INTS4: variants seen among roughly 807,000 people sequenced by gnomAD.
INTS4 encodes the protein MSTP093.
A neutral mutation model predicts 119.5 loss-of-function variants in INTS4; 70 were observed. The observed-to-expected ratio is 0.59, with a 90% CI of 0.48 to 0.71. The LOEUF is 0.71. INTS4 is among the 30% of genes least tolerant of loss of function. The probability of loss-of-function intolerance (pLI) is 0.00; values close to 1 mark genes in which losing one functional copy is unlikely to be tolerated. For synonymous variants in INTS4, 316 were observed against 419.6 expected (o/e 0.75, Z 3.02); for missense variants, 867 against 1,173.2 (o/e 0.74, Z 3.81).
intron 15 of INTS4, among the ~76,000 whole-genome samples, chr11:77,910,351 C>A (rs1307726714): frequency 2.0e-5 from 3 of 150,740 alleles, no homozygotes; most frequent in Non-Finnish European, 4.4e-5. Context: ...GGACAAAAAA[C>A]CAAACACTGC....
intron 11 of INTS4, 109 bp downstream of exon 11, chr11:77,928,233 A>G: frequency 4.4e-6 from 5 of 1,139,888 alleles, no homozygotes; most frequent in Non-Finnish European, 5.1e-6. Context: ...GAGAAAACAG[A>G]ACTGTGCTCC....
At chr11:77,975,406 A>G (rs1247783797) in intron 4 of INTS4, among the ~76,000 whole-genome samples, 1 of 152,118 alleles carries the variant, frequency 6.6e-6, no homozygotes, top group Non-Finnish European at 1.5e-5. Flanking sequence ...TAACTAATTT[A>G]TAATTTCATC....
intron 18 of INTS4, among the ~76,000 whole-genome samples, chr11:77,896,292 C>T (rs1370189423): frequency 6.6e-6 from 1 of 152,168 alleles, no homozygotes; most frequent in East Asian, 1.9e-4. Flanking sequence ...AAATCAAACT[C>T]AACGGTTCAG....
At position 77,884,058 on chromosome 11, in the gene INTS4, C is replaced by T. The variant is rs1456532154; in HGVS notation, c.2593-106G>A. 4.3e-6 allele frequency: 5 copies of T among 1,150,672 alleles called. No homozygotes were observed. In the African/African-American group the frequency reaches 4.6e-5, roughly 11 times the overall value. 71.3% of individuals were successfully genotyped at this position (1,150,672 alleles called of 1,614,324 possible). A position where few individuals can be genotyped will look rare whatever the true frequency, so the allele number is the denominator to read the frequency against. Reference sequence around the variant, plus strand: ...TCAAAACACAAGAAGAAACATGACACCAACTTTACTAAGATTGAGCCTTGG... The same window carrying T: ...TCAAAACACAAGAAGAAACATGACATCAACTTTACTAAGATTGAGCCTTGG... On this transcript the variant is annotated intron_variant, in intron 21 of 22. Coordinates refer to ENST00000534064, the MANE Select transcript of INTS4 (RefSeq NM_033547.4).
At chr11:77,934,282 A>G (rs1953736500) in intron 10 of INTS4, among the ~76,000 whole-genome samples, 1 of 152,032 alleles carries the variant, frequency 6.6e-6, no homozygotes, top group Admixed American at 6.6e-5. Flanking sequence ...CTGCCTAGGA[A>G]AACCAGAGAC....
At chr11:77,935,488 AATTCTGATCT>A (rs1389139032) in intron 10 of INTS4, among the ~76,000 whole-genome samples, 1 of 152,208 alleles carries the variant, frequency 6.6e-6, no homozygotes, top group Non-Finnish European at 1.5e-5. Flanking sequence ...TCTTCAGCTG[AATTCTGATCT>A]GTGAGACAGA....
downstream of INTS4, among the ~76,000 whole-genome samples, chr11:77,877,255 GTTAA>G (rs3832726): frequency 0.4 from 61,197 of 151,726 alleles, 12,932 homozygotes; most frequent in African/African-American, 0.53. Flanking sequence ...TACCTAGAGA[GTTAA>G]TTAATTAATG....
At chr11:77,915,278 CT>C (rs1953179821) in intron 15 of INTS4, 1 of 152,346 alleles carries the variant, frequency 6.6e-6, no homozygotes, top group Non-Finnish European at 1.5e-5. Context: ...TAGGTAGGGA[CT>C]TTGTGAATCA....
chr11:77,983,309 T>C (rs1021535321), intron 2 of INTS4, among the ~76,000 whole-genome samples: 3 of 152,150 alleles, frequency 2.0e-5, no homozygotes, highest in African/African-American at 4.8e-5. Context: ...AGAGACAGGG[T>C]CTCACTATGT....
rs1954310228 is a variant in INTS4 at position 77,955,940 on chromosome 11, A to G, written c.918+2T>C. On this transcript the variant is annotated splice_donor_variant, in intron 8 of 22. Coordinates refer to ENST00000534064, the MANE Select transcript of INTS4 (RefSeq NM_033547.4). LOFTEE classifies it high-confidence loss of function. Reference sequence around the variant, plus strand: ...CATACATACATAAAAAGTATAACTTACCAACAGTTTTGCTGCCTGAACACG... The same window carrying G: ...CATACATACATAAAAAGTATAACTTGCCAACAGTTTTGCTGCCTGAACACG... 1 of 1,604,366 alleles carries G rather than the reference A, an allele frequency of 6.2e-7. No homozygotes were observed. The highest frequency in any genetic ancestry group is 1.7e-5 in the Admixed American group (1 of 59,168).
chr11:77,936,383 T>C (rs1309141629), intron 10 of INTS4, among the ~76,000 whole-genome samples: 3 of 152,170 alleles, frequency 2.0e-5, no homozygotes, highest in Non-Finnish European at 2.9e-5. Context: ...AAGACCCAAA[T>C]TCTTTCTTCT....
At chr11:77,931,084 C>T (rs1953637268) in intron 10 of INTS4, among the ~76,000 whole-genome samples, 1 of 152,114 alleles carries the variant, frequency 6.6e-6, no homozygotes, top group South Asian at 2.1e-4. Flanking sequence ...CATGGAAAAG[C>T]ACAGGGAATG....
Position 77,956,031 on chromosome 11 carries a change from T to C in INTS4, c.829A>G (p.Ile277Val). Residue 277 changes from isoleucine to valine, a missense_variant, in exon 8 of 23, where the codon ATA becomes GTA. Around this residue, in one of 5 missense-constraint regions of INTS4, gnomAD observed 208 missense variants for 306.6 expected, o/e 0.68. Transcript: ENST00000534064. Reference protein sequence around the residue: ...IVPIPSSNEEIRLVDDAFGKI... With the variant: ...IVPIPSSNEEVRLVDDAFGKI... ...CCAAACGCATCATCAACTAAGCGTATTTCTTCATTAGAAGAAGGAATTGGG... is the reference window on the plus strand; with the variant it reads ...CCAAACGCATCATCAACTAAGCGTACTTCTTCATTAGAAGAAGGAATTGGG... 2 of 1,604,722 alleles carry C rather than the reference T, an allele frequency of 1.2e-6. No homozygotes were observed. The highest frequency in any genetic ancestry group is 1.7e-5 in the Admixed American group (1 of 57,850).
chr11:77,902,022 A>G (rs1005192383), intron 17 of INTS4, among the ~76,000 whole-genome samples: 1 of 152,236 alleles, frequency 6.6e-6, no homozygotes, highest in Non-Finnish European at 1.5e-5. Flanking sequence ...AATAAGTGCA[A>G]GAAAACATTT....
chr11:77,972,516 A>G lies in INTS4; in HGVS notation c.471+6480T>C, dbSNP rs1260673136. ...ACTGCAACCTCCGCCTCCCAGGTTC[A>G]AGCGATTTTCCTGCCTCAGCCTCCC... On this transcript the variant is annotated intron_variant, in intron 4 of 22. Coordinates refer to ENST00000534064, the MANE Select transcript of INTS4 (RefSeq NM_033547.4). Among the ~76,000 whole-genome samples the G allele has an allele frequency of 3.9e-5, 6 of 151,966 alleles. No homozygotes were observed. In the East Asian group the frequency reaches 1.2e-3, roughly 29 times the overall value.
In INTS4 at chr11:77,879,002, G is replaced by A; in HGVS notation, c.2839C>T (p.Pro947Ser). 1 of 1,614,162 alleles carries A rather than the reference G, an allele frequency of 6.2e-7. No individual in the cohort carries two copies. The highest frequency in any genetic ancestry group is 8.5e-7 in the Non-Finnish European group (1 of 1,180,032). The change falls in exon 23 of 23, where the codon CCC becomes TCC. Residue 947 changes from proline to serine, a missense_variant. Pro to Ser is a moderately conservative substitution (Grantham distance 74). Transcript: ENST00000534064. ...TAAACTTTTACAGGCTTGCTGAAGG[G>A]AATGGTGCCCTCGATGCTGGTTTCC... is the stretch of plus-strand genomic sequence containing the variant. The part of the protein sequence containing the change: ...QVETSIEGTI[P>S]FSKPVKVYIM...
At chr11:77,938,600 C>T (rs1244048422) in intron 10 of INTS4, 51 bp downstream of exon 10, 1 of 1,579,264 alleles carries the variant, frequency 6.3e-7, no homozygotes. Context: ...TAATGCCTGA[C>T]ACACAGCAGT....
intron 8 of INTS4, among the ~76,000 whole-genome samples, chr11:77,946,532 C>A (rs1214098285): frequency 6.6e-6 from 1 of 152,128 alleles, no homozygotes; most frequent in Non-Finnish European, 1.5e-5. Context: ...GAGGCCAAGA[C>A]AGCCAGAAAG....
intron 4 of INTS4, chr11:77,978,484 G>A (rs1016515867): frequency 6.6e-6 from 1 of 152,222 alleles, no homozygotes; most frequent in Non-Finnish European, 1.5e-5. Flanking sequence ...ATTAATACAT[G>A]TATTTAAAAA....
Sources: allele counts gnomAD v4.1 joint callset (sites outside exome capture counted in the v4.1 genomes callset), GRCh38; gene constraint gnomAD v4.1.1; regional missense constraint gnomAD v4.1.1; transcripts MANE v1.5; gene names NCBI Gene and HGNC (gene_info 2026-07-23, HGNC 2026-07-21).